ARHGEF3: variants seen among roughly 807,000 people sequenced by gnomAD.
ARHGEF3 encodes the protein 59.8 kDA protein.
ARHGEF3 carries 28 observed loss-of-function variants against 63.2 expected under a neutral mutation model. The observed-to-expected ratio is 0.44, with a 90% confidence interval of 0.33 to 0.61. The LOEUF (loss-of-function observed/expected upper bound fraction) is 0.61. ARHGEF3 is among the 20% of genes least tolerant of loss of function. ARHGEF3 has a pLI of 0.03. For missense variants in ARHGEF3, 533 were observed against 659.3 expected, an observed-to-expected ratio of 0.81 and a Z score of 2.10; for synonymous variants, 266 against 254.2, an observed-to-expected ratio of 1.05 and a Z score of -0.44.
intron 2 of ARHGEF3, among the ~76,000 whole-genome samples, chr3:56,772,293 C>T (rs2036049495): frequency 6.6e-6 from 1 of 152,122 alleles, no homozygotes; most frequent in Admixed American, 6.5e-5. Context: ...GTAGCAAGAA[C>T]CACTTGGGCT....
chr3:56,966,664 G>A (rs994022161), intron 2 of ARHGEF3, among the ~76,000 whole-genome samples: 1 of 151,966 alleles, frequency 6.6e-6, no homozygotes, highest in Non-Finnish European at 1.5e-5. Flanking sequence ...CCCTGGCAAG[G>A]GAGGGGAAAA....
chr3:56,878,120 TAAGA>T (rs1440197848), intron 4 of ARHGEF3, among the ~76,000 whole-genome samples: 2 of 152,218 alleles, frequency 1.3e-5, no homozygotes, highest in Non-Finnish European at 2.9e-5. Context: ...ATTTGTTTTA[TAAGA>T]AAGAATGTCT....
At chr3:56,774,798 C>T (rs1242634489) in intron 1 of ARHGEF3, among the ~76,000 whole-genome samples, 4 of 151,840 alleles carry the variant, frequency 2.6e-5, no homozygotes, top group Non-Finnish European at 4.4e-5. Flanking sequence ...ACTCGGGAGG[C>T]GTGGGATTGC....
intron 4 of ARHGEF3, among the ~76,000 whole-genome samples, chr3:56,820,578 A>G (rs1368307919): frequency 6.6e-6 from 1 of 152,138 alleles, no homozygotes; most frequent in Non-Finnish European, 1.5e-5. Flanking sequence ...CTGAGGCAAG[A>G]GATCACTTGA....
intron 2 of ARHGEF3, among the ~76,000 whole-genome samples, chr3:57,033,442 A>G (rs4263263): frequency 0.13 from 19,372 of 151,976 alleles, 1,608 homozygotes; most frequent in East Asian, 0.37. Context: ...ATGTAGATTC[A>G]CATATGTCTT....
chr3:56,917,681 T>C (rs757483822), intron 3 of ARHGEF3, among the ~76,000 whole-genome samples: 22 of 152,118 alleles, frequency 1.4e-4, no homozygotes, highest in Non-Finnish European at 2.8e-4. Flanking sequence ...CAGAGACACA[T>C]GGGCAGCGTT....
chr3:56,954,056 G>A (rs561580909), intron 3 of ARHGEF3, among the ~76,000 whole-genome samples: 1 of 152,220 alleles, frequency 6.6e-6, no homozygotes, highest in South Asian at 2.1e-4. Context: ...TTACTTCTAA[G>A]CCCCAGAGTC....
chr3:57,076,554 C>T (rs2107429918), intron 1 of ARHGEF3, among the ~76,000 whole-genome samples: 1 of 152,322 alleles, frequency 6.6e-6, no homozygotes, highest in Middle Eastern at 3.4e-3. Flanking sequence ...TCCAGTGGAA[C>T]AGGCTATTGC....
At chr3:56,774,841 G>C (rs768921144) in intron 1 of ARHGEF3, among the ~76,000 whole-genome samples, 4 of 151,968 alleles carry the variant, frequency 2.6e-5, no homozygotes, top group African/African-American at 9.7e-5. Context: ...CCAGTGAGCC[G>C]AGATTGCGCC....
intron 2 of ARHGEF3, among the ~76,000 whole-genome samples, chr3:56,980,037 T>A (rs1357488630): frequency 1.3e-5 from 2 of 152,162 alleles, no homozygotes; most frequent in Non-Finnish European, 2.9e-5. Flanking sequence ...GTGCCTCAGA[T>A]TCCTCATTTG....
intron 1 of ARHGEF3, among the ~76,000 whole-genome samples, chr3:56,790,215 C>T (rs998011837): frequency 3.3e-5 from 5 of 152,170 alleles, no homozygotes; most frequent in Non-Finnish European, 2.9e-5. Context: ...CAGAATCAAG[C>T]TCACTCTTCT....
intron 2 of ARHGEF3, among the ~76,000 whole-genome samples, chr3:56,992,134 A>T (rs536755949): frequency 1.3e-4 from 19 of 150,116 alleles, no homozygotes; most frequent in African/African-American, 4.2e-4. Flanking sequence ...TTAATGAGTT[A>T]AATGTGTGTG....
chr3:56,963,452 C>T (rs2106776363), intron 2 of ARHGEF3, among the ~76,000 whole-genome samples: 1 of 152,188 alleles, frequency 6.6e-6, no homozygotes, highest in African/African-American at 2.4e-5. Context: ...AACAACATGG[C>T]CACAAATCTG....
intron 2 of ARHGEF3, among the ~76,000 whole-genome samples, chr3:57,008,442 T>C (rs948615341): frequency 4.0e-5 from 6 of 151,416 alleles, no homozygotes; most frequent in Non-Finnish European, 8.8e-5. Context: ...GAAATAGATC[T>C]GCAGTGGGAG....
chr3:56,989,183 G>C (rs1291107376), intron 2 of ARHGEF3, among the ~76,000 whole-genome samples: 1 of 152,176 alleles, frequency 6.6e-6, no homozygotes, highest in African/African-American at 2.4e-5. Flanking sequence ...ACCCTATTTA[G>C]TTCTTTTTTA....
intron 2 of ARHGEF3, among the ~76,000 whole-genome samples, chr3:56,979,384 C>T (rs1369566423): frequency 1.3e-5 from 2 of 152,246 alleles, no homozygotes; most frequent in African/African-American, 4.8e-5. Flanking sequence ...TTTGCCATTG[C>T]ATCCGTGGTA....
chr3:56,844,384 T>C (rs1454676267), intron 4 of ARHGEF3, among the ~76,000 whole-genome samples: 1 of 152,206 alleles, frequency 6.6e-6, no homozygotes, highest in Non-Finnish European at 1.5e-5. Context: ...AACAGAATGC[T>C]TGAAATTGCT....
Position 56,751,212 on chromosome 3 carries a change from A to T in ARHGEF3, c.536-80T>A, listed in dbSNP as rs2034721323. 8.4e-6 allele frequency: 13 copies of T among 1,542,120 alleles called. 1 individual carries two copies. The South Asian group carries it at 1.3e-4, about 16-fold the overall frequency. On this transcript the variant is annotated intron_variant, in intron 5 of 9. Transcript: ENST00000296315. ...TGGAAGTAGGTTCTGGGTTATTCAC[A>T]TTGCAGGCAATTAATAATCACTCAC...
intron 3 of ARHGEF3, among the ~76,000 whole-genome samples, chr3:56,897,040 G>A (rs996651689): frequency 2.0e-5 from 3 of 152,174 alleles, no homozygotes; most frequent in Non-Finnish European, 2.9e-5. Flanking sequence ...GTCCACTGAC[G>A]ATTTTTCAAC....
Sources: gnomAD v4.1 joint callset for allele counts (sites outside exome capture counted in the v4.1 genomes callset) on GRCh38, gnomAD v4.1.1 for gene constraint, MANE v1.5 for transcripts, NCBI Gene and HGNC (gene_info 2026-07-23, HGNC 2026-07-21) for gene names.